TRPC6: variants seen among roughly 807,000 people sequenced by gnomAD.
The protein encoded by TRPC6 is transient receptor potential cation channel subfamily C member 6.
TRPC6 carries 55 observed loss-of-function variants against 90.7 expected under a neutral mutation model. That is an observed-to-expected ratio of 0.61 (90% CI 0.49 to 0.76). The LOEUF (loss-of-function observed/expected upper bound fraction) is 0.76, where lower values mean the gene tolerates loss of function less well. Ranked by LOEUF, TRPC6 falls within the 30% of genes least tolerant of loss-of-function variation. TRPC6 has a pLI of 0.00. For synonymous variants in TRPC6, 393 were observed against 393.0 expected (o/e 1.00, Z 0.00); for missense variants, 989 against 1,122.7 (o/e 0.88, Z 1.70).
chr11:101,493,874 A>G (rs1272605438), intron 2 of TRPC6, among the ~76,000 whole-genome samples: 3 of 152,224 alleles, frequency 2.0e-5, no homozygotes, highest in Non-Finnish European at 4.4e-5. Flanking sequence ...TGTGTAAGGT[A>G]CCTACTTGGG....
chr11:101,495,624 T>C (rs1259005653), intron 2 of TRPC6, among the ~76,000 whole-genome samples: 1 of 131,586 alleles, frequency 7.6e-6, no homozygotes, highest in African/African-American at 2.8e-5. Context: ...TTATTATTAT[T>C]ATTATTATTA....
chr11:101,544,511 A>C (rs1565236823), intron 1 of TRPC6, among the ~76,000 whole-genome samples: 1 of 152,234 alleles, frequency 6.6e-6, no homozygotes, highest in Admixed American at 6.5e-5. Context: ...CTTGATAAAG[A>C]AATTGTGGCT....
intron 1 of TRPC6, among the ~76,000 whole-genome samples, chr11:101,509,616 G>T (rs1860353584): frequency 1.3e-5 from 2 of 151,966 alleles, no homozygotes; most frequent in Admixed American, 1.3e-4. Flanking sequence ...GTTCTATCTT[G>T]GCAAGCCACT....
chr11:101,527,822 C>T (rs1183316384), intron 1 of TRPC6, among the ~76,000 whole-genome samples: 2 of 151,916 alleles, frequency 1.3e-5, no homozygotes, highest in Non-Finnish European at 2.9e-5. Flanking sequence ...ACCTGTAATC[C>T]CAGCACTTTG....
chr11:101,560,500 A>T (rs1274544600), intron 1 of TRPC6, among the ~76,000 whole-genome samples: 2 of 152,196 alleles, frequency 1.3e-5, no homozygotes, highest in Admixed American at 6.6e-5. Context: ...TGATTCATTC[A>T]ACCATCCTTC....
intron 1 of TRPC6, among the ~76,000 whole-genome samples, chr11:101,555,246 C>CG (rs1288883178): frequency 1.3e-5 from 2 of 152,184 alleles, no homozygotes; most frequent in Non-Finnish European, 2.9e-5. Flanking sequence ...TTGGTGTCAA[C>CG]GGGTCATGGA....
chr11:101,556,634 G>A (rs553144904), intron 1 of TRPC6, among the ~76,000 whole-genome samples: 1 of 152,124 alleles, frequency 6.6e-6, no homozygotes, highest in South Asian at 2.1e-4. Context: ...ATTTAAAGAA[G>A]AAATAATACC....
chr11:101,572,116 A>G (rs1861976659), intron 1 of TRPC6, among the ~76,000 whole-genome samples: 1 of 152,210 alleles, frequency 6.6e-6, no homozygotes, highest in Admixed American at 6.5e-5. Flanking sequence ...TTTGCAATCT[A>G]TCCATCTGAC....
At chr11:101,453,137 TATAA>T in intron 12 of TRPC6, 31 bp from the exon 13 acceptor site, 1 of 1,608,548 alleles carries the variant, frequency 6.2e-7, no homozygotes, top group Non-Finnish European at 8.5e-7. Flanking sequence ...AGAAGTCAAC[TATAA>T]ATACGCAATG....
At chr11:101,550,187 G>A (rs530192429) in intron 1 of TRPC6, among the ~76,000 whole-genome samples, 36 of 151,502 alleles carry the variant, frequency 2.4e-4, no homozygotes, top group African/African-American at 8.4e-4. Flanking sequence ...ACTTACATAT[G>A]CCCAACAATT....
chr11:101,549,560 A>G (rs1861405863), intron 1 of TRPC6, among the ~76,000 whole-genome samples: 3 of 151,706 alleles, frequency 2.0e-5, no homozygotes, highest in Non-Finnish European at 4.4e-5. Flanking sequence ...TGATAAAATC[A>G]TTTCAATAAA....
At chr11:101,514,361 C>CA (rs1346676469) in intron 1 of TRPC6, among the ~76,000 whole-genome samples, 3 of 152,172 alleles carry the variant, frequency 2.0e-5, no homozygotes, top group African/African-American at 7.2e-5. Flanking sequence ...GATTAGCGAA[C>CA]AGTTTTCAAC....
intron 1 of TRPC6, among the ~76,000 whole-genome samples, chr11:101,562,490 T>C (rs1391125966): frequency 3.3e-5 from 5 of 152,158 alleles, no homozygotes. Flanking sequence ...TAGATATTTT[T>C]TATATATTAT....
At chr11:101,526,250 G>T (rs986180752) in intron 1 of TRPC6, among the ~76,000 whole-genome samples, 3 of 152,120 alleles carry the variant, frequency 2.0e-5, no homozygotes, top group Non-Finnish European at 4.4e-5. Flanking sequence ...GTTTCCTCCA[G>T]TAGAGAGAAG....
intron 1 of TRPC6, among the ~76,000 whole-genome samples, chr11:101,574,427 A>G (rs1862032406): frequency 6.6e-6 from 1 of 151,420 alleles, no homozygotes; most frequent in African/African-American, 2.4e-5. Context: ...TCTTAAAGAT[A>G]CATAAAATGT....
chr11:101,555,957 G>A (rs1247262381), intron 1 of TRPC6, among the ~76,000 whole-genome samples: 1 of 152,098 alleles, frequency 6.6e-6, no homozygotes, highest in East Asian at 1.9e-4. Context: ...TGAACAGCAT[G>A]CTCCTGAGCA....
At chr11:101,454,506 T>C (rs1211808618) in intron 11 of TRPC6, among the ~76,000 whole-genome samples, 4 of 152,032 alleles carry the variant, frequency 2.6e-5, no homozygotes, top group Non-Finnish European at 5.9e-5. Context: ...AGGAATATGA[T>C]ACATTCACTG....
chr11:101,498,660 G>A (rs1207884114), intron 2 of TRPC6, among the ~76,000 whole-genome samples: 6 of 152,106 alleles, frequency 3.9e-5, no homozygotes, highest in East Asian at 1.9e-4. Flanking sequence ...TTACAAAATC[G>A]TTATGAAAAG....
At chr11:101,490,406 A>G (rs957572976) in intron 3 of TRPC6, among the ~76,000 whole-genome samples, 13 of 152,344 alleles carry the variant, frequency 8.5e-5, no homozygotes, top group African/African-American at 2.6e-4. Flanking sequence ...CCATAAACAT[A>G]TATTACTTTT....
Sources: gnomAD v4.1 joint callset for allele counts (sites outside exome capture counted in the v4.1 genomes callset) on GRCh38, gnomAD v4.1.1 for gene constraint, MANE v1.5 for transcripts, NCBI Gene and HGNC (gene_info 2026-07-23, HGNC 2026-07-21) for gene names.